Variants in CENPU observed in about 807,000 individuals in gnomAD.
CENPU encodes the protein centromere protein U.
Under a neutral mutation model 56.7 loss-of-function variants are expected in CENPU, and 46 were observed. That is an observed-to-expected ratio of 0.81 (90% CI 0.64 to 1.04). The LOEUF (loss-of-function observed/expected upper bound fraction) is 1.04, where lower values mean the gene tolerates loss of function less well. CENPU is among the 50% of genes least tolerant of loss of function. The pLI is 0.00. For synonymous variants in CENPU, 166 were observed against 163.0 expected (o/e 1.02, Z -0.14); for missense variants, 510 against 490.1 (o/e 1.04, Z -0.38).
At chr4:184,719,392 G>A (rs978209575) in intron 4 of CENPU, among the ~76,000 whole-genome samples, 7 of 152,236 alleles carry the variant, frequency 4.6e-5, no homozygotes, top group Admixed American at 2.0e-4. Context: ...GTGCTGTCCT[G>A]TAACAGTGGA....
At chr4:184,702,900 A>G (rs1760586307) in intron 8 of CENPU, among the ~76,000 whole-genome samples, 1 of 152,144 alleles carries the variant, frequency 6.6e-6, no homozygotes, top group Admixed American at 6.5e-5. Flanking sequence ...AAAGGACATG[A>G]TTTTGTTCTT....
chr4:184,702,379 T>C lies in CENPU; in HGVS notation c.860A>G (p.Glu287Gly). ...AIATFYVNVKEQFIKMLKESQ... is the reference protein window; with the variant it reads ...AIATFYVNVKGQFIKMLKESQ... ...TGAGCTTACCATTTTGATGAATTGT[T>C]CTTTAACATTAACATAAAATGTGGC... is the stretch of plus-strand genomic sequence containing the variant. The change falls in exon 9 of 13, where the codon GAA (glutamate) becomes GGA (glycine). Residue 287 changes from glutamate to glycine, a missense_variant. Transcript: ENST00000281453. The C allele has an allele frequency of 6.2e-7, 1 of 1,612,488 alleles. No individual in the cohort carries two copies. Among genetic ancestry groups the C allele is most frequent in the Non-Finnish European group, 8.5e-7 (1 of 1,179,536 alleles).
chr4:184,719,967 G>A (rs1159861368), intron 4 of CENPU, among the ~76,000 whole-genome samples: 1 of 152,076 alleles, frequency 6.6e-6, no homozygotes, highest in Non-Finnish European at 1.5e-5. Flanking sequence ...TCAATGTCTA[G>A]ACACTGATAA....
chr4:184,715,439 A>C (rs1761057647), intron 6 of CENPU, among the ~76,000 whole-genome samples: 2 of 152,136 alleles, frequency 1.3e-5, no homozygotes, highest in African/African-American at 2.4e-5. Context: ...CAACCTTCTG[A>C]GTAGCTGCGA....
chr4:184,712,305 A>C (rs1420896324), intron 7 of CENPU, among the ~76,000 whole-genome samples: 1 of 152,210 alleles, frequency 6.6e-6, no homozygotes, highest in South Asian at 2.1e-4. Context: ...TGAGTGAAAG[A>C]AGCCTTACAC....
chr4:184,724,435 T>C (rs1210049472), intron 4 of CENPU, among the ~76,000 whole-genome samples: 1 of 152,260 alleles, frequency 6.6e-6, no homozygotes, highest in African/African-American at 2.4e-5. Flanking sequence ...TTCTGCATTA[T>C]ATAACTTGCT....
intron 4 of CENPU, among the ~76,000 whole-genome samples, chr4:184,722,032 G>A (rs768322032): frequency 6.6e-6 from 1 of 152,102 alleles, no homozygotes; most frequent in Non-Finnish European, 1.5e-5. Context: ...TTTAAAAACC[G>A]AAATATCAAG....
intron 2 of CENPU, 34 bp from the exon 3 acceptor site, chr4:184,729,069 C>T (rs1761551155): frequency 1.3e-6 from 2 of 1,499,170 alleles, no homozygotes; most frequent in East Asian, 2.3e-5. Context: ...ATTGAGTTGG[C>T]TCTCACAAAG....
intron 12 of CENPU, among the ~76,000 whole-genome samples, chr4:184,696,692 A>AAT (rs370054690): frequency 0.18 from 26,648 of 150,286 alleles, 2,645 homozygotes; most frequent in African/African-American, 0.26. Context: ...CATTACATAT[A>AAT]TATATATTAT....
At chr4:184,718,101 G>GCTGCAGCACCTTCTGCACCCA (rs1292193086) in intron 4 of CENPU, among the ~76,000 whole-genome samples, 6 of 152,220 alleles carry the variant, frequency 3.9e-5, no homozygotes, top group Admixed American at 2.0e-4. Flanking sequence ...CCAGCCTCCA[G>GCTGCAGCACCTTCTGCACCCA]CTGCAGCACC....
At chr4:184,716,115 A>C (rs1445006987) in intron 6 of CENPU, among the ~76,000 whole-genome samples, 1 of 151,902 alleles carries the variant, frequency 6.6e-6, no homozygotes, top group African/African-American at 2.4e-5. Flanking sequence ...GTACTTTATT[A>C]GTAGAAATGG....
chr4:184,724,431 A>G (rs1214120038), intron 4 of CENPU, among the ~76,000 whole-genome samples: 1 of 152,244 alleles, frequency 6.6e-6, no homozygotes, highest in East Asian at 1.9e-4. Context: ...AGAGTTCTGC[A>G]TTATATAACT....
At chr4:184,702,809 T>C (rs72703549) in intron 8 of CENPU, among the ~76,000 whole-genome samples, 27,071 of 152,072 alleles carry the variant, frequency 0.18, 2,702 homozygotes, top group African/African-American at 0.26. Context: ...CACTTATAAG[T>C]AAGAACACGC....
intron 8 of CENPU, among the ~76,000 whole-genome samples, chr4:184,704,086 CTTT>C (rs368391994): frequency 1.4e-5 from 2 of 147,308 alleles, no homozygotes; most frequent in African/African-American, 2.5e-5. Context: ...CATACTTCAT[CTTT>C]TTTTTTTTTG....
intron 4 of CENPU, among the ~76,000 whole-genome samples, chr4:184,724,222 A>C (rs575822989): frequency 4.7e-4 from 71 of 152,080 alleles, no homozygotes; most frequent in South Asian, 8.3e-4. Context: ...GCCCAGATTG[A>C]GCCACTGCAC....
At position 184,710,118 on chromosome 4, in the gene CENPU, A is replaced by T. The variant is rs199577611; in HGVS notation, c.751T>A (p.Leu251Met). 6.2e-7 allele frequency: 1 copy of T among 1,612,184 alleles called. No homozygotes were observed. The highest frequency in any genetic ancestry group is 1.1e-5 in the South Asian group (1 of 90,658). ...EGMKTSDIKE[L>M]NIVLPEFEKT... ...TCAAATTCAGGCAAAACAATATTCAACTCCTTGATGTCACTGGTTTTCATT... is the reference window on the plus strand; with the variant it reads ...TCAAATTCAGGCAAAACAATATTCATCTCCTTGATGTCACTGGTTTTCATT... The change falls in exon 8 of 13, where the codon TTG becomes ATG. Residue 251 changes from leucine to methionine, a missense_variant. Leu to Met is a conservative substitution (Grantham distance 15). Coordinates refer to ENST00000281453, the MANE Select transcript of CENPU (RefSeq NM_024629.4).
At position 184,695,255 on chromosome 4, in the gene CENPU, T is replaced by C. The variant is rs1289228228; in HGVS notation, c.*33A>G. On this transcript the variant is annotated 3_prime_UTR_variant, in exon 13 of 13. Transcript: ENST00000281453. The stretch of plus-strand genomic sequence containing the variant: ...AGAAGGTAACAGCATGAGACTAGTC[T>C]TCCTATAGGCACATTTTAGTAGACT... 2.1e-6 allele frequency: 3 copies of C among 1,407,940 alleles called. No homozygotes were observed. The highest frequency in any genetic ancestry group is 1.0e-6 in the Non-Finnish European group (1 of 992,822). 87.2% of individuals were successfully genotyped at this position (1,407,940 alleles called of 1,614,324 possible).
chr4:184,724,411 C>T (rs1405835263), intron 4 of CENPU, among the ~76,000 whole-genome samples: 1 of 152,188 alleles, frequency 6.6e-6, no homozygotes, highest in African/African-American at 2.4e-5. Flanking sequence ...ATGAGTACTA[C>T]AGTTATCGAA....
chr4:184,724,540 C>G (rs1487678593), intron 4 of CENPU, among the ~76,000 whole-genome samples: 3 of 152,168 alleles, frequency 2.0e-5, no homozygotes, highest in African/African-American at 7.2e-5. Flanking sequence ...ACTTCAGGGA[C>G]AGTGCATCTG....
Sources: allele counts gnomAD v4.1 joint callset (sites outside exome capture counted in the v4.1 genomes callset), GRCh38; gene constraint gnomAD v4.1.1; transcripts MANE v1.5; gene names NCBI Gene and HGNC (gene_info 2026-07-23, HGNC 2026-07-21).